The following CAGE1 variants were observed in gnomAD, a reference collection of about 807,000 sequenced individuals.
CAGE1 encodes cancer antigen 1.
CAGE1 carries 66 observed loss-of-function variants against 94.9 expected under a neutral mutation model. The observed-to-expected ratio is 0.70, with a 90% CI of 0.57 to 0.85. The LOEUF (loss-of-function observed/expected upper bound fraction) is 0.85. Among genes scored for constraint, CAGE1 ranks in the 40% least tolerant of loss-of-function variants. The pLI is 0.00. For synonymous variants in CAGE1, 319 were observed against 321.0 expected (o/e 0.99, Z 0.07); for missense variants, 865 against 950.4 (o/e 0.91, Z 1.18).
intron 9 of CAGE1, among the ~76,000 whole-genome samples, chr6:7,360,700 T>C (rs1445814916): frequency 6.6e-6 from 1 of 152,058 alleles, no homozygotes; most frequent in Non-Finnish European, 1.5e-5. Flanking sequence ...TCCCAACACT[T>C]TGGGAGGCCA....
intron 11 of CAGE1, among the ~76,000 whole-genome samples, chr6:7,353,878 T>C (rs1759865370): frequency 6.6e-6 from 1 of 152,026 alleles, no homozygotes; most frequent in Non-Finnish European, 1.5e-5. Context: ...CACTGATATG[T>C]GGGAGCTAAG....
In CAGE1 at chr6:7,368,720, G is replaced by C; in HGVS notation, c.1972C>G (p.Leu658Val). 6.5e-7 allele frequency: 1 copy of C among 1,543,780 alleles called. No homozygotes were observed. The highest frequency in any genetic ancestry group is 8.8e-7 in the Non-Finnish European group (1 of 1,142,444). Reference sequence around the variant, plus strand: ...TCTAAAGTTTTCTTTTTAAGATGGAGGCTCTTCAGTTTTTGCAGCATTATA... The same window carrying C: ...TCTAAAGTTTTCTTTTTAAGATGGACGCTCTTCAGTTTTTGCAGCATTATA... ...SDIMLQKLKS[L>V]HLKKKTLDKE... Residue 658 changes from leucine (L) to valine (V), a missense_variant, in exon 7 of 14, where the codon CTC becomes GTC. Transcript: ENST00000502583.
At chr6:7,329,802 T>C in intron 13 of CAGE1, 47 bp downstream of exon 13, 1 of 946,448 alleles carries the variant, frequency 1.1e-6, no homozygotes, top group African/African-American at 1.6e-5. Flanking sequence ...ATTGTCAAAT[T>C]ACATGGAAAT....
Position 7,339,117 on chromosome 6 carries a change from T to C in CAGE1, c.2370-5027A>G. 1.9e-6 allele frequency: 3 copies of C among 1,578,066 alleles called. No homozygotes were observed. Among genetic ancestry groups the C allele is most frequent in the Non-Finnish European group, 2.6e-6 (3 of 1,148,146 alleles). On this transcript the variant is annotated intron_variant, in intron 11 of 13. Transcript: ENST00000502583. This position sits in a 1 kb window ranked among gnomAD's most constrained non-coding sequence, Gnocchi z 4.7. ...GTGGATCATCAGGCCGTCCACAAAC[T>C]TCATGGATTTAGCTCTCTGTCCTCA...
At chr6:7,370,103 GA>G (rs1760490666) in intron 5 of CAGE1, 38 bp from the exon 6 acceptor site, 3 of 1,472,418 alleles carry the variant, frequency 2.0e-6, no homozygotes, top group Non-Finnish European at 1.8e-6. Flanking sequence ...AAATAATGAT[GA>G]AGAACCTGAA....
chr6:7,336,512 TTTC>T (rs1390864374), intron 11 of CAGE1, among the ~76,000 whole-genome samples: 1 of 97,170 alleles, frequency 1.0e-5, no homozygotes, highest in African/African-American at 9.1e-5. Context: ...AGTGTATTTC[TTTC>T]TTTTTTTCTT....
chr6:7,348,860 CAAAGAAA>C (rs1393089882), intron 11 of CAGE1, among the ~76,000 whole-genome samples: 1 of 151,714 alleles, frequency 6.6e-6, no homozygotes, highest in Non-Finnish European at 1.5e-5. Context: ...CCAACAAAGA[CAAAGAAA>C]AAAGAAAAAG....
At chr6:7,367,534 CA>C (rs1180255874) in intron 7 of CAGE1, among the ~76,000 whole-genome samples, 5 of 152,080 alleles carry the variant, frequency 3.3e-5, no homozygotes, top group African/African-American at 1.2e-4. Context: ...CTCAGCCTCC[CA>C]AAATGCTGGG....
At chr6:7,368,252 CAAAAAAA>C (rs57530544) in intron 7 of CAGE1, among the ~76,000 whole-genome samples, 29 of 84,420 alleles carry the variant, frequency 3.4e-4, no homozygotes, top group African/African-American at 1.1e-3. Context: ...GACTCTGTCT[CAAAAAAA>C]AAAAAAAAAA....
chr6:7,336,906 T>G (rs967062910), intron 11 of CAGE1, among the ~76,000 whole-genome samples: 1 of 152,212 alleles, frequency 6.6e-6, no homozygotes, highest in East Asian at 1.9e-4. Flanking sequence ...GTTATTTGTT[T>G]TCTTATGACT....
Position 7,389,714 on chromosome 6 carries a change from C to G in CAGE1, c.-536G>C. On this transcript the variant is annotated 5_prime_UTR_variant, in exon 1 of 14. Transcript: ENST00000502583. ...CCTGAGAGCACAGAACATCCACAGC[C>G]CTATACAGCGCGCCATCCAGAGAGC... 1 of 543,560 alleles carries G rather than the reference C, an allele frequency of 1.8e-6. No individual in the cohort carries two copies. Among genetic ancestry groups the G allele is most frequent in the East Asian group, 3.2e-5 (1 of 31,474 alleles). The allele number at this position is 543,560 out of a possible 1,614,324, so 33.7% of individuals were successfully genotyped here.
At chr6:7,328,050 T>C (rs188101462) in intron 13 of CAGE1, among the ~76,000 whole-genome samples, 11 of 152,220 alleles carry the variant, frequency 7.2e-5, no homozygotes, top group African/African-American at 2.6e-4. Context: ...CCCTATTGAG[T>C]GTCCCCTCAT....
rs181736125 is a variant in CAGE1 at position 7,336,846 on chromosome 6, T to C, written c.2370-2756A>G. Among the ~76,000 whole-genome samples, 109 of 152,284 alleles carry C rather than the reference T, an allele frequency of 7.2e-4. 1 individual carries two copies. Among genetic ancestry groups the C allele is most frequent in the African/African-American group, 2.6e-3 (109 of 41,574 alleles). The stretch of plus-strand genomic sequence containing the variant: ...ATTTCATGTGCTTATTTGCCATCCA[T>C]ATACTTTCTTGGTAGAATCTCTACT... On this transcript the variant is annotated intron_variant, in intron 11 of 13. Transcript: ENST00000502583.
At chr6:7,326,988 A>G in intron 13 of CAGE1, 89 bp from the exon 14 acceptor site, 5 of 921,144 alleles carry the variant, frequency 5.4e-6, no homozygotes, top group East Asian at 4.8e-5. Context: ...TTTTTATTAC[A>G]TATGGAAAAG....
In CAGE1 at chr6:7,356,132, A is replaced by G. The variant is rs1415377937; in HGVS notation, c.2194-3T>C. ...AGGAGATGTCCCAGTTTTGTGATCTATGGAGAAATATCAGTAAACATACTA... is the reference window on the plus strand; with the variant it reads ...AGGAGATGTCCCAGTTTTGTGATCTGTGGAGAAATATCAGTAAACATACTA... On this transcript the variant is annotated splice_polypyrimidine_tract_variant and splice_region_variant and intron_variant, in intron 9 of 13. Coordinates refer to ENST00000502583, the MANE Select transcript of CAGE1 (RefSeq NM_001170692.2). The G allele has an allele frequency of 8.1e-6, 12 of 1,483,418 alleles. No individual in the cohort carries two copies. Among genetic ancestry groups the G allele is most frequent in the African/African-American group, 1.4e-5 (1 of 71,524 alleles). 91.9% of individuals were successfully genotyped at this position (1,483,418 alleles called of 1,614,324 possible).
At chr6:7,347,497 C>T (rs1015692400) in intron 11 of CAGE1, 12 of 4,478 alleles carry the variant, frequency 2.7e-3, no homozygotes, top group Non-Finnish European at 5.1e-3. Flanking sequence ...GGATCCAAAG[C>T]GAGGGTGGGG....
intron 11 of CAGE1, among the ~76,000 whole-genome samples, chr6:7,352,935 A>C (rs910039646): frequency 2.6e-5 from 4 of 152,226 alleles, no homozygotes; most frequent in African/African-American, 7.2e-5. Flanking sequence ...CTGAAACTAT[A>C]AAAATTCTAG....
At chr6:7,358,555 A>G (rs1031839472) in intron 9 of CAGE1, among the ~76,000 whole-genome samples, 2 of 152,178 alleles carry the variant, frequency 1.3e-5, no homozygotes, top group Non-Finnish European at 2.9e-5. Flanking sequence ...AACATCTAGG[A>G]GTAGGCCAGG....
At chr6:7,343,274 ATGT>A (rs1222623676) in intron 11 of CAGE1, among the ~76,000 whole-genome samples, 1 of 152,110 alleles carries the variant, frequency 6.6e-6, no homozygotes, top group African/African-American at 2.4e-5. Flanking sequence ...GGCAGTACTA[ATGT>A]TGTTTTTACT....
Sources: gnomAD v4.1 joint callset for allele counts (sites outside exome capture counted in the v4.1 genomes callset) on GRCh38, gnomAD v4.1.1 for gene constraint, Gnocchi (gnomAD v3.1) non-coding constraint, MANE v1.5 for transcripts, NCBI Gene and HGNC (gene_info 2026-07-23, HGNC 2026-07-21) for gene names.